Variants in PIK3CB observed in about 807,000 individuals in gnomAD.
PIK3CB encodes the protein phosphatidylinositol 4,5-bisphosphate 3-kinase catalytic subunit beta isoform.
Under a neutral mutation model 136.8 loss-of-function variants are expected in PIK3CB, and 39 were observed. That is an observed-to-expected ratio of 0.29 (90% CI 0.22 to 0.37). The LOEUF is 0.37. Ranked by LOEUF, PIK3CB falls within the 10% of genes least tolerant of loss-of-function variation. The probability of loss-of-function intolerance (pLI) is 1.00; values close to 1 mark genes in which losing one functional copy is unlikely to be tolerated. For synonymous variants in PIK3CB, 428 were observed against 436.6 expected (o/e 0.98, Z 0.25); for missense variants, 868 against 1,275.4 (o/e 0.68, Z 4.87).
At chr3:138,724,739 A>G (rs541887687) in intron 8 of PIK3CB, among the ~76,000 whole-genome samples, 3 of 152,336 alleles carry the variant, frequency 2.0e-5, no homozygotes, top group Non-Finnish European at 4.4e-5. Flanking sequence ...AACCATTAGA[A>G]TAATAGATGC....
intron 1 of PIK3CB, chr3:138,826,037 G>T: frequency 7.6e-7 from 1 of 1,321,838 alleles, no homozygotes; most frequent in Non-Finnish European, 1.1e-6. Context: ...TTGTCACACA[G>T]CTTACACAGC....
chr3:138,818,897 ACTT>A (rs1199254738), intron 1 of PIK3CB, among the ~76,000 whole-genome samples: 12 of 152,204 alleles, frequency 7.9e-5, no homozygotes, highest in Non-Finnish European at 1.5e-4. Context: ...AAGGAATATA[ACTT>A]AGTACAAAAT....
chr3:138,827,779 A>G (rs1933849065), intron 1 of PIK3CB, among the ~76,000 whole-genome samples: 1 of 151,356 alleles, frequency 6.6e-6, no homozygotes, highest in Non-Finnish European at 1.5e-5. Flanking sequence ...GGAAATCGAG[A>G]CTATCCTGGC....
intron 1 of PIK3CB, among the ~76,000 whole-genome samples, chr3:138,807,642 C>T (rs1181798947): frequency 6.6e-6 from 1 of 152,002 alleles, no homozygotes; most frequent in Non-Finnish European, 1.5e-5. Flanking sequence ...CCTATAATCC[C>T]AGCATTTTGG....
At chr3:138,724,705 T>TAA (rs1016008713) in intron 8 of PIK3CB, among the ~76,000 whole-genome samples, 16 of 152,312 alleles carry the variant, frequency 1.1e-4, no homozygotes, top group Admixed American at 2.0e-4. Flanking sequence ...AAAGCTCTTT[T>TAA]GTCAGGACAC....
intron 12 of PIK3CB, among the ~76,000 whole-genome samples, chr3:138,699,725 T>C (rs2044208477): frequency 6.6e-6 from 1 of 152,216 alleles, no homozygotes. Context: ...ACTCATGGTC[T>C]TTAATAGATG....
intron 2 of PIK3CB, among the ~76,000 whole-genome samples, chr3:138,763,118 G>C (rs1245310848): frequency 6.6e-6 from 1 of 150,738 alleles, no homozygotes; most frequent in African/African-American, 2.5e-5. Context: ...AAAAATGAAA[G>C]TTAGTATGTA....
intron 1 of PIK3CB, among the ~76,000 whole-genome samples, chr3:138,801,211 T>C (rs2046170496): frequency 1.3e-5 from 2 of 152,090 alleles, no homozygotes; most frequent in Admixed American, 1.3e-4. Flanking sequence ...GTACCCATTA[T>C]AATGAAATGA....
Position 138,711,016 on chromosome 3 carries a change from G to A in PIK3CB, c.1399+1192C>T, listed in dbSNP as rs564125152. Among the ~76,000 whole-genome samples the A allele has an allele frequency of 1.1e-4, 16 of 151,620 alleles. No homozygotes were observed. In the East Asian group the frequency reaches 1.8e-3, roughly 17 times the overall value. On this transcript the variant is annotated intron_variant, in intron 10 of 23. Transcript: ENST00000674063. The stretch of plus-strand genomic sequence containing the variant: ...GGAGAATGGCATGAACCCAGGAGGT[G>A]GAGCTTGAAGTGAGCGCATATCACA...
At chr3:138,708,931 T>C (rs993139487) in intron 10 of PIK3CB, among the ~76,000 whole-genome samples, 1 of 151,976 alleles carries the variant, frequency 6.6e-6, no homozygotes, top group Non-Finnish European at 1.5e-5. Flanking sequence ...TCAAAAGTGA[T>C]CAGAAAAAAA....
In PIK3CB at chr3:138,767,067, G is replaced by A. The variant is rs1399121504; in HGVS notation, c.-16-7708C>T. 2.0e-5 allele frequency among the ~76,000 whole-genome samples: 3 copies of A among 151,900 alleles called. No individual in the cohort carries two copies. The East Asian group carries it at 5.8e-4, about 29-fold the overall frequency. On this transcript the variant is annotated intron_variant, in intron 2 of 23. Coordinates refer to ENST00000674063, the MANE Select transcript of PIK3CB (RefSeq NM_006219.3). ...CACATGCCTGCAATCCTAGCTACTT[G>A]GGGGGCTGAGGCAGGAGAATCGATT...
chr3:138,687,891 A>G (rs1339594867), intron 16 of PIK3CB, among the ~76,000 whole-genome samples: 1 of 152,206 alleles, frequency 6.6e-6, no homozygotes, highest in Admixed American at 6.5e-5. Context: ...TTGGACTAGG[A>G]TGGTAGCCAT....
chr3:138,681,651 T>C (rs2043784734), intron 19 of PIK3CB, among the ~76,000 whole-genome samples: 1 of 152,178 alleles, frequency 6.6e-6, no homozygotes. Context: ...GGACTTTCTC[T>C]GGCCTTGTCA....
At chr3:138,709,134 C>T (rs144041028) in intron 10 of PIK3CB, among the ~76,000 whole-genome samples, 63 of 151,924 alleles carry the variant, frequency 4.1e-4, no homozygotes, top group African/African-American at 1.4e-3. Context: ...AATTGATACA[C>T]GCTATTGAGG....
intron 2 of PIK3CB, among the ~76,000 whole-genome samples, chr3:138,761,801 G>C (rs1216664735): frequency 6.6e-6 from 1 of 151,742 alleles, no homozygotes; most frequent in African/African-American, 2.4e-5. Context: ...TTAGTCGGGG[G>C]TGGTGGCGTG....
chr3:138,765,863 G>A (rs903511857), intron 2 of PIK3CB, among the ~76,000 whole-genome samples: 25 of 151,998 alleles, frequency 1.6e-4, no homozygotes, highest in Admixed American at 1.4e-3. Flanking sequence ...AGAGTGAGAC[G>A]AAGTGGGGCG....
At chr3:138,716,634 G>T (rs142348503) in intron 8 of PIK3CB, among the ~76,000 whole-genome samples, 2 of 151,986 alleles carry the variant, frequency 1.3e-5, no homozygotes, top group African/African-American at 2.4e-5. Flanking sequence ...AGTGTCTCAC[G>T]CCTGTAATCC....
At chr3:138,737,385 ACT>A (rs1477723586) in intron 6 of PIK3CB, among the ~76,000 whole-genome samples, 34 of 113,806 alleles carry the variant, frequency 3.0e-4, no homozygotes, top group African/African-American at 1.0e-3. Context: ...ACAGAGCAAC[ACT>A]CTGTCTCAAA....
chr3:138,818,618 C>T (rs957248389), intron 1 of PIK3CB, among the ~76,000 whole-genome samples: 1 of 152,132 alleles, frequency 6.6e-6, no homozygotes, highest in African/African-American at 2.4e-5. Flanking sequence ...GCTCATCTTA[C>T]ACCCTTATCC....
Sources: allele counts gnomAD v4.1 joint callset (sites outside exome capture counted in the v4.1 genomes callset), GRCh38; gene constraint gnomAD v4.1.1; transcripts MANE v1.5; gene names NCBI Gene and HGNC (gene_info 2026-07-23, HGNC 2026-07-21).